ATXN10: variants seen among roughly 807,000 people sequenced by gnomAD.
ATXN10 encodes the protein ataxin 10.
Under a neutral mutation model 52.9 loss-of-function variants are expected in ATXN10, and 28 were observed. That is an observed-to-expected ratio of 0.53 (90% CI 0.39 to 0.73). The LOEUF (loss-of-function observed/expected upper bound fraction) is 0.73, where lower values mean the gene tolerates loss of function less well. Among genes scored for constraint, ATXN10 ranks in the 30% least tolerant of loss-of-function variants. ATXN10 has a pLI of 0.00. For synonymous variants in ATXN10, 226 were observed against 221.5 expected, an observed-to-expected ratio of 1.02 and a Z score of -0.18; for missense variants, 565 against 577.0, an observed-to-expected ratio of 0.98 and a Z score of 0.21.
chr22:45,722,329 C>T (rs948863280), intron 6 of ATXN10, among the ~76,000 whole-genome samples: 3 of 152,040 alleles, frequency 2.0e-5, no homozygotes, highest in African/African-American at 7.3e-5. Context: ...GACCCGTATA[C>T]CAGACTAAAG....
chr22:45,809,195 A>G (rs781082590), intron 10 of ATXN10, among the ~76,000 whole-genome samples: 10 of 152,218 alleles, frequency 6.6e-5, no homozygotes, highest in Admixed American at 2.0e-4. Context: ...ACATGATACA[A>G]TTTCAAAATT....
intron 5 of ATXN10, among the ~76,000 whole-genome samples, chr22:45,707,922 C>T (rs996911910): frequency 6.6e-6 from 1 of 152,066 alleles, no homozygotes; most frequent in Non-Finnish European, 1.5e-5. Flanking sequence ...CACTTTCTGC[C>T]TTTTTTCTTC....
intron 8 of ATXN10, among the ~76,000 whole-genome samples, chr22:45,739,449 C>G (rs1213888997): frequency 6.6e-6 from 1 of 152,140 alleles, no homozygotes; most frequent in African/African-American, 2.4e-5. Flanking sequence ...ACTCTGGAGA[C>G]CAGTGTCCTG....
In ATXN10 at chr22:45,718,418, T is replaced by G; in HGVS notation, c.653T>G (p.Leu218Trp). Residue 218 changes from leucine to tryptophan, a missense_variant, in exon 6 of 12, where the codon TTG (leucine) becomes TGG (tryptophan). Transcript: ENST00000252934. This position sits in a 1 kb window ranked among gnomAD's most constrained non-coding sequence, Gnocchi z 4.4. ...QKHPESEWPF[L>W]IITDLFLKSP... ...TCCTCCTCTTTTTTCCCTAGGTTCTTGATTATTACAGACCTCTTTCTGAAA... is the reference window on the plus strand; with the variant it reads ...TCCTCCTCTTTTTTCCCTAGGTTCTGGATTATTACAGACCTCTTTCTGAAA... 1.2e-6 allele frequency: 2 copies of G among 1,613,160 alleles called. No individual in the cohort carries two copies. Among genetic ancestry groups the G allele is most frequent in the Non-Finnish European group, 1.7e-6 (2 of 1,179,154 alleles).
chr22:45,797,625 T>A (rs1163671579), intron 9 of ATXN10, among the ~76,000 whole-genome samples: 1 of 152,174 alleles, frequency 6.6e-6, no homozygotes, highest in East Asian at 1.9e-4. Context: ...AGTTTCCAAC[T>A]TAAGAAGGTA....
At chr22:45,831,384 AT>A (rs879516687) in intron 10 of ATXN10, among the ~76,000 whole-genome samples, 196 of 149,916 alleles carry the variant, frequency 1.3e-3, no homozygotes, top group East Asian at 4.3e-3. Context: ...AAAAAAAAAA[AT>A]TTTGGAGAAA....
chr22:45,782,423 AAT>A (rs1266524840), intron 9 of ATXN10, among the ~76,000 whole-genome samples: 2 of 152,228 alleles, frequency 1.3e-5, no homozygotes, highest in African/African-American at 4.8e-5. Flanking sequence ...GTCTATCACT[AAT>A]CGAGTGGATA....
At chr22:45,803,554 A>G (rs1330617206) in intron 9 of ATXN10, among the ~76,000 whole-genome samples, 1 of 152,148 alleles carries the variant, frequency 6.6e-6, no homozygotes, top group Non-Finnish European at 1.5e-5. Flanking sequence ...TTTGGATCAC[A>G]CATTTATGGA....
At chr22:45,765,978 T>C (rs1350562449) in intron 9 of ATXN10, among the ~76,000 whole-genome samples, 2 of 152,186 alleles carry the variant, frequency 1.3e-5, no homozygotes, top group Admixed American at 6.5e-5. Context: ...AAAAATGTTA[T>C]ACAGCTTCCA....
In ATXN10 at chr22:45,843,926, T is replaced by C. The variant is rs1458706746; in HGVS notation, c.*255T>C. The C allele has an allele frequency of 1.5e-5, 8 of 534,244 alleles. No individual in the cohort carries two copies. Among genetic ancestry groups the C allele is most frequent in the Non-Finnish European group, 2.3e-5 (7 of 299,368 alleles). 33.1% of individuals were successfully genotyped at this position (534,244 alleles called of 1,614,324 possible). ...TAGAACGTGCATTTAAAGAATATAT[T>C]GTACTTACTGTGACAGCAGATAATA... On this transcript the variant is annotated 3_prime_UTR_variant, in exon 12 of 12. Transcript: ENST00000252934. The surrounding 1 kb of genome is among the most constrained non-coding windows in gnomAD (Gnocchi z 4.5).
intron 9 of ATXN10, among the ~76,000 whole-genome samples, chr22:45,742,551 T>G (rs1053103359): frequency 6.0e-5 from 9 of 149,734 alleles, no homozygotes; most frequent in African/African-American, 2.0e-4. Context: ...AAATACCGAA[T>G]GTGCTTAACC....
intron 9 of ATXN10, among the ~76,000 whole-genome samples, chr22:45,782,426 C>T (rs1051123314): frequency 7.9e-5 from 12 of 152,238 alleles, no homozygotes; most frequent in African/African-American, 2.2e-4. Flanking sequence ...TATCACTAAT[C>T]GAGTGGATAA....
At chr22:45,838,920 T>C (rs1437252054) in intron 10 of ATXN10, among the ~76,000 whole-genome samples, 2 of 152,222 alleles carry the variant, frequency 1.3e-5, no homozygotes, top group African/African-American at 2.4e-5. Flanking sequence ...AGGAGGTTTG[T>C]GTAGTATTTG....
chr22:45,778,465 G>A (rs1927036792), intron 9 of ATXN10, among the ~76,000 whole-genome samples: 1 of 152,220 alleles, frequency 6.6e-6, no homozygotes, highest in Non-Finnish European at 1.5e-5. Context: ...CATAAGTAGA[G>A]TACATGCTCA....
intron 10 of ATXN10, among the ~76,000 whole-genome samples, chr22:45,836,797 A>G (rs1336411752): frequency 6.6e-6 from 1 of 152,262 alleles, no homozygotes; most frequent in Non-Finnish European, 1.5e-5. Context: ...AAAAAACTCT[A>G]CATTTTACCA....
rs1418149126 is a variant in ATXN10, at chr22:45,688,594, C to T, written c.117-1118C>T. 6.6e-6 allele frequency among the ~76,000 whole-genome samples: 1 copy of T among 152,154 alleles called. No homozygotes were observed. Among genetic ancestry groups the T allele is most frequent in the Non-Finnish European group, 1.5e-5 (1 of 68,010 alleles). On this transcript the variant is annotated intron_variant, in intron 1 of 11. Coordinates refer to ENST00000252934, the MANE Select transcript of ATXN10 (RefSeq NM_013236.4). The surrounding 1 kb of genome is among the most constrained non-coding windows in gnomAD (Gnocchi z 4.0). ...CAAGGAAAGACGTGTTTCCTCTGCC[C>T]CCGGAAAAGGGGCTTCCATAGGTGT... is the stretch of plus-strand genomic sequence containing the variant.
rs1253709297 is a variant in ATXN10, at chr22:45,683,882, C to T, written c.117-5830C>T. 6.6e-6 allele frequency among the ~76,000 whole-genome samples: 1 copy of T among 152,220 alleles called. No individual in the cohort carries two copies. The highest frequency in any genetic ancestry group is 1.5e-5 in the Non-Finnish European group (1 of 68,030). On this transcript the variant is annotated intron_variant, in intron 1 of 11. Transcript: ENST00000252934. This position sits in a 1 kb window ranked among gnomAD's most constrained non-coding sequence, Gnocchi z 4.8. ...ATACACAGTTCTGCTCTTGGGCTGT[C>T]TTTTCCAGTGGTTGACTTTCTGCCT...
chr22:45,714,255 C>T (rs1014505062), intron 5 of ATXN10, among the ~76,000 whole-genome samples: 4 of 151,828 alleles, frequency 2.6e-5, no homozygotes, highest in African/African-American at 9.7e-5. Context: ...TTTTCTTTAC[C>T]TATTTTTCTA....
chr22:45,832,100 A>G lies in ATXN10; in HGVS notation c.1238-10891A>G, dbSNP rs184153800. ...ATTCCAAAATTTTATTCTCACCATT[A>G]TGGACTCCTGCTCCCTTGTTCCACT... is the stretch of plus-strand genomic sequence containing the variant. On this transcript the variant is annotated intron_variant, in intron 10 of 11. Transcript: ENST00000252934. Among the ~76,000 whole-genome samples, 331 of 152,250 alleles carry G rather than the reference A, an allele frequency of 2.2e-3. 1 individual carries two copies. Among genetic ancestry groups the G allele is most frequent in the African/African-American group, 7.7e-3 (318 of 41,528 alleles).
Sources: allele counts gnomAD v4.1 joint callset (sites outside exome capture counted in the v4.1 genomes callset), GRCh38; gene constraint gnomAD v4.1.1; non-coding constraint Gnocchi (gnomAD v3.1); transcripts MANE v1.5; gene names NCBI Gene and HGNC (gene_info 2026-07-23, HGNC 2026-07-21).